JAK2: variants seen among roughly 807,000 people sequenced by gnomAD.
The protein encoded by JAK2 is tyrosine-protein kinase JAK2.
Under a neutral mutation model 139.3 loss-of-function variants are expected in JAK2, and 86 were observed. That is an observed-to-expected ratio of 0.62 (90% confidence interval 0.52 to 0.74). The LOEUF is 0.74. Ranked by LOEUF, JAK2 falls within the 30% of genes least tolerant of loss-of-function variation. The pLI is 0.00. For missense variants in JAK2, 1,421 were observed against 1,360.3 expected, an observed-to-expected ratio of 1.04 and a Z score of -0.70; for synonymous variants, 490 against 437.7, an observed-to-expected ratio of 1.12 and a Z score of -1.49.
At chr9:5,115,394 TAA>T (rs1823059169) in intron 22 of JAK2, among the ~76,000 whole-genome samples, 1 of 152,108 alleles carries the variant, frequency 6.6e-6, no homozygotes, top group Non-Finnish European at 1.5e-5. Flanking sequence ...TGGCGATCAT[TAA>T]AAAGTCAGGC....
At position 5,112,706 on chromosome 9, in the gene JAK2, C is replaced by G. The variant is rs1822724665; in HGVS notation, c.3060-10298C>G. 4 of 856,300 alleles carry G rather than the reference C, an allele frequency of 4.7e-6. No homozygotes were observed. The African/African-American group carries it at 5.2e-5, about 11-fold the overall frequency. 53.0% of individuals were successfully genotyped at this position (856,300 alleles called of 1,614,324 possible). A position where few individuals can be genotyped will look rare whatever the true frequency, so the allele number is the denominator to read the frequency against. ...CATCCTGAATTTGGAGCAGCAAGTG[C>G]GAGAGCGGAACCTGAATCCCAAAAC... is the stretch of plus-strand genomic sequence containing the variant. On this transcript the variant is annotated intron_variant, in intron 22 of 24. Coordinates refer to ENST00000381652, the MANE Select transcript of JAK2 (RefSeq NM_004972.4).
chr9:5,013,505 G>T (rs370469603), intron 2 of JAK2, among the ~76,000 whole-genome samples: 1 of 152,170 alleles, frequency 6.6e-6, no homozygotes. Flanking sequence ...CATTTCTGTG[G>T]AAAAGTTGAG....
At chr9:5,040,435 A>G (rs925354131) in intron 4 of JAK2, among the ~76,000 whole-genome samples, 1 of 152,208 alleles carries the variant, frequency 6.6e-6, no homozygotes, top group Non-Finnish European at 1.5e-5. Context: ...CAAGTGACAA[A>G]AGAAAAATAG....
At position 5,070,579 on chromosome 9, in the gene JAK2, T is replaced by A. The variant is rs923293018; in HGVS notation, c.1641+527T>A. On this transcript the variant is annotated intron_variant, in intron 12 of 24. Coordinates refer to ENST00000381652, the MANE Select transcript of JAK2 (RefSeq NM_004972.4). ...TTTTTTTAAATAACTAATTATTTTT[T>A]AAAATTATTTATTTATTTATTAGAG... Among the ~76,000 whole-genome samples, 7 of 152,210 alleles carry A rather than the reference T, an allele frequency of 4.6e-5. No individual in the cohort carries two copies. In the East Asian group the frequency reaches 5.8e-4, roughly 13 times the overall value.
At chr9:4,987,915 G>C (rs773983216) in intron 2 of JAK2, among the ~76,000 whole-genome samples, 4 of 152,130 alleles carry the variant, frequency 2.6e-5, no homozygotes, top group Non-Finnish European at 5.9e-5. Flanking sequence ...TCAGAGAAGG[G>C]CAGAATGACT....
intron 9 of JAK2, 149 bp from the exon 10 acceptor site, chr9:5,066,529 T>C (rs891438217): frequency 1.9e-6 from 1 of 536,684 alleles, no homozygotes; most frequent in Non-Finnish European, 3.3e-6. Flanking sequence ...ACTTTGATTT[T>C]TTCCTTTGAA....
In JAK2 at chr9:5,078,529, T is replaced by A. The variant is rs548095184; in HGVS notation, c.2131+85T>A. On this transcript the variant is annotated intron_variant, in intron 16 of 24. Coordinates refer to ENST00000381652, the MANE Select transcript of JAK2 (RefSeq NM_004972.4). Reference sequence around the variant, plus strand: ...GGGCATGTTGTTAATTTTCCTTGAATTCCATTTAATTTGTATGTTCCTGAT... The same window carrying A: ...GGGCATGTTGTTAATTTTCCTTGAAATCCATTTAATTTGTATGTTCCTGAT... The A allele has an allele frequency of 2.0e-3, 1,924 of 979,666 alleles. 5 individuals are homozygous for A. The highest frequency in any genetic ancestry group is 2.1e-3 in the Non-Finnish European group (1,412 of 666,048). The allele number at this position is 979,666 out of a possible 1,614,324, so 60.7% of individuals were successfully genotyped here.
At chr9:5,088,947 C>G (rs1820343605) in intron 19 of JAK2, among the ~76,000 whole-genome samples, 1 of 152,182 alleles carries the variant, frequency 6.6e-6, no homozygotes, top group Admixed American at 6.5e-5. Flanking sequence ...TAAGGGGTCA[C>G]TGACATTTAG....
At chr9:4,988,746 G>T (rs1217299841) in intron 2 of JAK2, among the ~76,000 whole-genome samples, 7 of 152,052 alleles carry the variant, frequency 4.6e-5, no homozygotes, top group African/African-American at 9.7e-5. Flanking sequence ...TTCCTGTACT[G>T]GTCTTCTGCT....
chr9:5,023,948 ATTTTAGCTTGTAAGAT>A (rs1822607080), intron 3 of JAK2, among the ~76,000 whole-genome samples: 1 of 152,038 alleles, frequency 6.6e-6, no homozygotes, highest in Admixed American at 6.6e-5. Flanking sequence ...AGCTAGTAAG[ATTTTAGCTTGTAAGAT>A]TTTTAGCTTG....
At chr9:5,074,889 G>T (rs1190739166) in intron 14 of JAK2, among the ~76,000 whole-genome samples, 2 of 152,164 alleles carry the variant, frequency 1.3e-5, no homozygotes, top group Non-Finnish European at 2.9e-5. Context: ...TAGGCCTCTT[G>T]CACTAAAAAG....
At chr9:5,111,271 C>A in intron 22 of JAK2, 1 of 491,848 alleles carries the variant, frequency 2.0e-6, no homozygotes, top group African/African-American at 1.9e-5. Context: ...CGCAGCCTGA[C>A]TCAGGCTGGC....
At chr9:5,070,101 C>T in intron 12 of JAK2, 49 bp downstream of exon 12, 3 of 1,339,876 alleles carry the variant, frequency 2.2e-6, no homozygotes, top group Non-Finnish European at 3.1e-6. Context: ...TTTAAAACAA[C>T]ATCTGTTTTC....
intron 10 of JAK2, among the ~76,000 whole-genome samples, chr9:5,068,163 A>G (rs1307090016): frequency 1.9e-5 from 2 of 104,676 alleles, no homozygotes; most frequent in African/African-American, 1.0e-4. Flanking sequence ...GGTCTCAAAA[A>G]AAAACAACAA....
At chr9:5,105,227 C>T (rs1821855174) in intron 22 of JAK2, among the ~76,000 whole-genome samples, 1 of 152,192 alleles carries the variant, frequency 6.6e-6, no homozygotes, top group Non-Finnish European at 1.5e-5. Context: ...GATACAAAAT[C>T]AATGTGCAAA....
chr9:5,123,996 G>C (rs536563729), intron 23 of JAK2, among the ~76,000 whole-genome samples: 1 of 151,288 alleles, frequency 6.6e-6, no homozygotes, highest in Non-Finnish European at 1.5e-5. Flanking sequence ...CCTCTTGTCA[G>C]TTTGGGTGTC....
chr9:4,994,001 G>A (rs1820415773), intron 2 of JAK2, among the ~76,000 whole-genome samples: 1 of 152,182 alleles, frequency 6.6e-6, no homozygotes, highest in African/African-American at 2.4e-5. Context: ...TCTAGGGTTG[G>A]TTCCCACCTT....
intron 10 of JAK2, among the ~76,000 whole-genome samples, 164 bp downstream of exon 10, chr9:5,066,953 G>C (rs1586731678): frequency 1.3e-5 from 2 of 151,880 alleles, no homozygotes; most frequent in East Asian, 3.8e-4. Context: ...AAATAAACAA[G>C]TTATAATTCC....
chr9:5,021,909 A>G, intron 2 of JAK2, 54 bp from the exon 3 acceptor site: 1 of 1,025,562 alleles, frequency 9.8e-7, no homozygotes, highest in East Asian at 2.4e-5. Context: ...CTAGGATTAC[A>G]GGTGTGAGAC....
Sources: gnomAD v4.1 joint callset for allele counts (sites outside exome capture counted in the v4.1 genomes callset) on GRCh38, gnomAD v4.1.1 for gene constraint, MANE v1.5 for transcripts, NCBI Gene and HGNC (gene_info 2026-07-23, HGNC 2026-07-21) for gene names.